SLC39A6: variants seen among roughly 807,000 people sequenced by gnomAD.
SLC39A6 encodes zinc transporter ZIP6.
A neutral mutation model predicts 63.5 loss-of-function variants in SLC39A6; 51 were observed. The ratio of observed to expected loss-of-function variants is 0.80; its 90% CI spans 0.64 to 1.01. The LOEUF is 1.01. Ranked by LOEUF, SLC39A6 falls within the 50% of genes least tolerant of loss-of-function variation. SLC39A6 has a pLI of 0.00. For synonymous variants in SLC39A6, 318 were observed against 324.7 expected (o/e 0.98, Z 0.22); for missense variants, 805 against 927.8 (o/e 0.87, Z 1.72).
chr18:36,123,510 TA>T lies in SLC39A6; in HGVS notation c.1124del (p.Leu375TyrfsTer24). On this transcript the variant is annotated frameshift_variant, in exon 4 of 10. Coordinates refer to ENST00000269187, the MANE Select transcript of SLC39A6 (RefSeq NM_012319.4). LOFTEE classifies it high-confidence loss of function. The stretch of plus-strand genomic sequence containing the variant: ...CTATACTTACATGTGGAAGAAGGTG[TA>T]AAAAAGCATCACCACTCAAAGTCCC... Reference protein sequence around the residue: ...AVGTLSGDAFLHLLPHSHASH... With the variant: ...AVGTLSGDAFXHLLPHSHASH... The T allele has an allele frequency of 6.2e-7, 1 of 1,610,522 alleles. No individual in the cohort carries two copies. The highest frequency in any genetic ancestry group is 2.2e-5 in the East Asian group (1 of 44,774).
At chr18:36,113,992 T>C in intron 7 of SLC39A6, 105 bp downstream of exon 7, 5 of 1,369,704 alleles carry the variant, frequency 3.7e-6, no homozygotes, top group Non-Finnish European at 4.9e-6. Context: ...TGGAAGTCAC[T>C]AATATCCTCA....
intron 6 of SLC39A6, among the ~76,000 whole-genome samples, chr18:36,116,040 T>C (rs2089342453): frequency 6.6e-6 from 1 of 152,106 alleles, no homozygotes; most frequent in Admixed American, 6.5e-5. Context: ...AACCCAAAAG[T>C]AGAGGCAACT....
At chr18:36,118,058 C>T (rs2089362493) in intron 5 of SLC39A6, among the ~76,000 whole-genome samples, 1 of 150,464 alleles carries the variant, frequency 6.6e-6, no homozygotes, top group African/African-American at 2.4e-5. Context: ...CAAACACACA[C>T]ACAAATCTTT....
chr18:36,124,502 T>TA lies in SLC39A6; in HGVS notation c.970+17dup, dbSNP rs1193816590. The stretch of plus-strand genomic sequence containing the variant: ...TGAATCTACTGAAATTGTTTTTACA[T>TA]AAAAAAGGCAATTTTACCTATTTGT... On this transcript the variant is annotated intron_variant, in intron 3 of 9. Coordinates refer to ENST00000269187, the MANE Select transcript of SLC39A6 (RefSeq NM_012319.4). 7 of 1,498,226 alleles carry TA rather than the reference T, an allele frequency of 4.7e-6. No individual in the cohort carries two copies. The African/African-American group carries it at 5.5e-5, about 12-fold the overall frequency. 92.8% of individuals were successfully genotyped at this position (1,498,226 alleles called of 1,614,324 possible). A position where few individuals can be genotyped will look rare whatever the true frequency, so the allele number is the denominator to read the frequency against.
chr18:36,119,959 A>T (rs1162921460), intron 5 of SLC39A6, among the ~76,000 whole-genome samples: 4 of 152,164 alleles, frequency 2.6e-5, no homozygotes, highest in African/African-American at 4.8e-5. Context: ...ATGAAATTGA[A>T]ATGAGAATGT....
intron 9 of SLC39A6, among the ~76,000 whole-genome samples, chr18:36,110,450 A>G (rs2089292046): frequency 6.6e-6 from 1 of 152,052 alleles, no homozygotes; most frequent in Admixed American, 6.5e-5. Flanking sequence ...AAAAAAAAAA[A>G]AACTCTAAAG....
Position 36,114,277 on chromosome 18 carries a change from T to C in SLC39A6, c.1663A>G (p.Ile555Val), listed in dbSNP as rs750473376. The change falls in exon 7 of 10, where the codon ATT becomes GTT. Residue 555 changes from isoleucine (I) to valine (V), a missense_variant. This residue lies in a region of SLC39A6 where 19 missense variants were observed against 35.1 expected (regional missense o/e 0.54). Transcript: ENST00000269187. The stretch of plus-strand genomic sequence containing the variant: ...TGATGGTAGTCATGATGGTGGTGAA[T>C]GAGATCGTCTGACTGGCCGAGTGTA... The part of the protein sequence containing the change: ...HDTLGQSDDL[I>V]HHHHDYHHIL... 6 of 1,613,880 alleles carry C rather than the reference T, an allele frequency of 3.7e-6. No homozygotes were observed. The Admixed American group carries it at 5.0e-5, about 13-fold the overall frequency.
intron 6 of SLC39A6, among the ~76,000 whole-genome samples, chr18:36,115,144 A>G (rs1393796880): frequency 2.6e-5 from 4 of 151,218 alleles, no homozygotes; most frequent in African/African-American, 4.9e-5. Context: ...GAGTCCATTT[A>G]AAAAACTGAA....
intron 5 of SLC39A6, among the ~76,000 whole-genome samples, chr18:36,117,622 A>C (rs558841773): frequency 2.6e-5 from 4 of 152,318 alleles, no homozygotes; most frequent in Non-Finnish European, 5.9e-5. Flanking sequence ...CACATAAATA[A>C]CAGATTTCTT....
intron 5 of SLC39A6, among the ~76,000 whole-genome samples, chr18:36,118,788 C>A (rs1240051184): frequency 6.6e-6 from 1 of 152,140 alleles, no homozygotes; most frequent in African/African-American, 2.4e-5. Flanking sequence ...TCTGTGAAAT[C>A]TAGATTGGGA....
At chr18:36,127,768 T>TA (rs2089451745) in intron 1 of SLC39A6, among the ~76,000 whole-genome samples, 1 of 145,694 alleles carries the variant, frequency 6.9e-6, no homozygotes, top group Admixed American at 7.2e-5. Context: ...TACTTAATTT[T>TA]TTTTTTAAAG....
At chr18:36,123,734 G>C in intron 3 of SLC39A6, 70 bp from the exon 4 acceptor site, 1 of 1,446,242 alleles carries the variant, frequency 6.9e-7, no homozygotes, top group Non-Finnish European at 9.3e-7. Flanking sequence ...AAGACTTTTG[G>C]AGAGTAGCAT....
chr18:36,123,761 G>A (rs1026621274), intron 3 of SLC39A6, 97 bp from the exon 4 acceptor site: 1 of 1,210,120 alleles, frequency 8.3e-7, no homozygotes, highest in African/African-American at 1.5e-5. Context: ...ACACGTAAAA[G>A]GAGAGAAGCT....
At position 36,122,155 on chromosome 18, in the gene SLC39A6, T is replaced by G. The variant is rs1420230074; in HGVS notation, c.1256A>C (p.Asp419Ala). ...SQNIEESAYF[D>A]STWKGLTALG... ...AGCTGTTAGACCCTTCCACGTGGAA[T>G]CAAAATAGGCACTTTCTTCTATGTT... Residue 419 changes from aspartate to alanine, a missense_variant, in exon 5 of 10, where the codon GAT becomes GCT. Coordinates refer to ENST00000269187, the MANE Select transcript of SLC39A6 (RefSeq NM_012319.4). 1 of 1,614,068 alleles carries G rather than the reference T, an allele frequency of 6.2e-7. No individual in the cohort carries two copies.
intron 4 of SLC39A6, among the ~76,000 whole-genome samples, chr18:36,122,514 G>A (rs1390024118): frequency 2.0e-5 from 3 of 152,140 alleles, no homozygotes; most frequent in Non-Finnish European, 4.4e-5. Flanking sequence ...TAAATAGTGA[G>A]CATTTTCAAT....
chr18:36,114,527 C>G, intron 6 of SLC39A6, 53 bp from the exon 7 acceptor site: 1 of 1,406,886 alleles, frequency 7.1e-7, no homozygotes, highest in Non-Finnish European at 9.6e-7. Context: ...TGTTAATGGA[C>G]TTGGAGACAT....
chr18:36,123,617 G>A lies in SLC39A6; in HGVS notation c.1018C>T (p.Leu340=), dbSNP rs890961848. The A allele has an allele frequency of 1.9e-6, 3 of 1,612,460 alleles. No individual in the cohort carries two copies. The highest frequency in any genetic ancestry group is 2.5e-6 in the Non-Finnish European group (3 of 1,179,654). ...AGAGGCACTAAGATAACCCCCAGCA[G>A]AGACAGGAAACTGATGATGGAAATG... The part of the protein sequence containing the change: ...IAISIISFLS[L]LGVILVPLMN... The change falls in exon 4 of 10, where the codon CTG becomes TTG. Residue 340 remains leucine (L), a synonymous_variant. Coordinates refer to ENST00000269187, the MANE Select transcript of SLC39A6 (RefSeq NM_012319.4).
chr18:36,122,316 C>T (rs771269863), intron 4 of SLC39A6, 46 bp from the exon 5 acceptor site: 45 of 1,481,844 alleles, frequency 3.0e-5, no homozygotes, highest in Non-Finnish European at 3.1e-5. Flanking sequence ...CAGTTTCACA[C>T]ACCGAGTCAG....
chr18:36,111,314 G>A, intron 8 of SLC39A6, 65 bp from the exon 9 acceptor site: 6 of 1,492,594 alleles, frequency 4.0e-6, no homozygotes, highest in Non-Finnish European at 5.4e-6. Context: ...CACATACCAA[G>A]ATACTTCCCA....
Sources: gnomAD v4.1 joint callset for allele counts (sites outside exome capture counted in the v4.1 genomes callset) on GRCh38, gnomAD v4.1.1 for gene constraint, gnomAD v4.1.1 regional missense constraint, MANE v1.5 for transcripts, NCBI Gene and HGNC (gene_info 2026-07-23, HGNC 2026-07-21) for gene names.